The following EPS8 variants were observed in gnomAD, a reference collection of about 807,000 sequenced individuals.
EPS8 encodes the protein EGFR pathway substrate 8, signaling adaptor.
In EPS8, 42 loss-of-function variants were observed where a neutral mutation model predicts 103.8. The observed-to-expected ratio is 0.40, with a 90% CI of 0.32 to 0.52. The LOEUF (loss-of-function observed/expected upper bound fraction) is 0.52. Ranked by LOEUF, EPS8 falls within the 20% of genes least tolerant of loss-of-function variation. The pLI, the probability that EPS8 is intolerant of heterozygous loss-of-function variation, is 0.40. For synonymous variants in EPS8, 344 were observed against 344.6 expected (o/e 1.00, Z 0.02); for missense variants, 969 against 1,005.1 (o/e 0.96, Z 0.49).
intron 1 of EPS8, among the ~76,000 whole-genome samples, chr12:15,687,452 C>A (rs10846231): frequency 1.3e-5 from 2 of 151,954 alleles, no homozygotes; most frequent in African/African-American, 4.8e-5. Flanking sequence ...TAAGTCAACA[C>A]AATAAAATCA....
In EPS8 at chr12:15,778,339, G is replaced by A. The variant is rs1369063772; in HGVS notation, c.-22+10822C>T. Among the ~76,000 whole-genome samples, 2 of 152,082 alleles carry A rather than the reference G, an allele frequency of 1.3e-5. No homozygotes were observed. Among genetic ancestry groups the A allele is most frequent in the Non-Finnish European group, 2.9e-5 (2 of 68,010 alleles). On this transcript the variant is annotated intron_variant, in intron 1 of 20. Transcript: ENST00000281172. The surrounding 1 kb of genome is among the most constrained non-coding windows in gnomAD (Gnocchi z 4.5). The stretch of plus-strand genomic sequence containing the variant: ...CATGTGAATAATGCTACAAGTATTG[G>A]ACCAATGACCAGATTTTTATCACAG...
intron 10 of EPS8, among the ~76,000 whole-genome samples, chr12:15,659,568 A>G (rs1945568539): frequency 6.6e-6 from 1 of 152,198 alleles, no homozygotes; most frequent in Non-Finnish European, 1.5e-5. Context: ...AATAGTACTT[A>G]ATTTCAGAAT....
At chr12:15,661,603 C>A (rs1051041945) in intron 9 of EPS8, among the ~76,000 whole-genome samples, 9 of 152,100 alleles carry the variant, frequency 5.9e-5, no homozygotes, top group Non-Finnish European at 1.2e-4. Context: ...TTACGATTTA[C>A]AAATCTATCC....
chr12:15,713,390 T>C lies in EPS8; in HGVS notation c.-21-30418A>G, dbSNP rs551106681. ...ATAGCTTTACTTGCAATAAAGATAA[T>C]TCCCTGATGCTAAACCAAAGCCAGA... On this transcript the variant is annotated intron_variant, in intron 1 of 20. Transcript: ENST00000281172. The surrounding 1 kb of genome is among the most constrained non-coding windows in gnomAD (Gnocchi z 4.8). The C allele has an allele frequency of 2.2e-4, 33 of 152,330 alleles. No homozygotes were observed. Among genetic ancestry groups the C allele is most frequent in the African/African-American group, 7.2e-4 (30 of 41,580 alleles). 9.4% of individuals were successfully genotyped at this position (152,330 alleles called of 1,614,324 possible). A position where few individuals can be genotyped will look rare whatever the true frequency, so the allele number is the denominator to read the frequency against.
chr12:15,678,310 G>C (rs957162225), intron 3 of EPS8, among the ~76,000 whole-genome samples: 2 of 152,172 alleles, frequency 1.3e-5, no homozygotes, highest in Non-Finnish European at 2.9e-5. Flanking sequence ...GGTACTGTGT[G>C]TATGTCTTTG....
intron 1 of EPS8, among the ~76,000 whole-genome samples, chr12:15,774,497 T>C (rs1440096100): frequency 6.6e-6 from 1 of 151,344 alleles, no homozygotes; most frequent in Non-Finnish European, 1.5e-5. Flanking sequence ...CTCCCTGTTA[T>C]CCTGTATTCT....
chr12:15,663,951 A>AATAATAAT (rs67569507), intron 8 of EPS8, among the ~76,000 whole-genome samples: 8 of 39,664 alleles, frequency 2.0e-4, no homozygotes, highest in South Asian at 9.3e-4. Flanking sequence ...AAAAAATAAT[A>AATAATAAT]TATATATATA....
chr12:15,657,874 C>T (rs1945535265), intron 12 of EPS8: 1 of 508,952 alleles, frequency 2.0e-6, no homozygotes, highest in African/African-American at 2.0e-5. Flanking sequence ...CCAGTTTCCT[C>T]AACTATAAAA....
chr12:15,747,955 G>C lies in EPS8; in HGVS notation c.-22+41206C>G, dbSNP rs563782617. Among the ~76,000 whole-genome samples the C allele has an allele frequency of 4.8e-4, 73 of 151,532 alleles. 1 individual carries two copies. Among genetic ancestry groups the C allele is most frequent in the African/African-American group, 1.7e-3 (70 of 41,232 alleles). Reference sequence around the variant, plus strand: ...GAATCGCTTGAACCCGGGAGGCGGAGATTGCAGTGAGCCGAGATCACACCA... The same window carrying C: ...GAATCGCTTGAACCCGGGAGGCGGACATTGCAGTGAGCCGAGATCACACCA... On this transcript the variant is annotated intron_variant, in intron 1 of 20. Transcript: ENST00000281172. The surrounding 1 kb of genome is among the most constrained non-coding windows in gnomAD (Gnocchi z 4.4).
rs11056601 is a variant in EPS8, at chr12:15,721,643, C to T, written c.-21-38671G>A. Among the ~76,000 whole-genome samples, 163 of 152,240 alleles carry T rather than the reference C, an allele frequency of 1.1e-3. 2 individuals carry two copies. The East Asian group carries it at 0.03, about 28-fold the overall frequency. ...TTTATCCTCCATTTCTTGTGAAAGACAACAATCTTGTTTGCCTTTGTCTTG... is the reference window on the plus strand; with the variant it reads ...TTTATCCTCCATTTCTTGTGAAAGATAACAATCTTGTTTGCCTTTGTCTTG... On this transcript the variant is annotated intron_variant, in intron 1 of 20. Transcript: ENST00000281172. The surrounding 1 kb of genome is among the most constrained non-coding windows in gnomAD (Gnocchi z 4.4).
rs541421436 is a variant in EPS8, at chr12:15,760,363, T to C, written c.-22+28798A>G. On this transcript the variant is annotated intron_variant, in intron 1 of 20. Transcript: ENST00000281172. This position sits in a 1 kb window ranked among gnomAD's most constrained non-coding sequence, Gnocchi z 4.5. The stretch of plus-strand genomic sequence containing the variant: ...AGACCCAATGGCTTCACTGCTAAAT[T>C]CTACAAAACATTTAAAGAAGAATTA... 2.0e-5 allele frequency among the ~76,000 whole-genome samples: 3 copies of C among 152,052 alleles called. No individual in the cohort carries two copies. Among genetic ancestry groups the C allele is most frequent in the Admixed American group, 2.0e-4 (3 of 15,270 alleles).
Position 15,684,804 on chromosome 12 carries a change from C to T in EPS8, c.-21-1832G>A, listed in dbSNP as rs73315054. Among the ~76,000 whole-genome samples, 1 of 152,122 alleles carries T rather than the reference C, an allele frequency of 6.6e-6. No homozygotes were observed. The highest frequency in any genetic ancestry group is 1.5e-5 in the Non-Finnish European group (1 of 68,028). ...CTTTCCTATCCACTGCTTAAAAGCACATTTATAAATTAAGAAGCAAAGAAA... is the reference window on the plus strand; with the variant it reads ...CTTTCCTATCCACTGCTTAAAAGCATATTTATAAATTAAGAAGCAAAGAAA... On this transcript the variant is annotated intron_variant, in intron 1 of 20. Coordinates refer to ENST00000281172, the MANE Select transcript of EPS8 (RefSeq NM_004447.6). The surrounding 1 kb of genome is among the most constrained non-coding windows in gnomAD (Gnocchi z 4.9).
At chr12:15,754,580 A>G (rs896375383) in intron 1 of EPS8, among the ~76,000 whole-genome samples, 5 of 152,220 alleles carry the variant, frequency 3.3e-5, no homozygotes, top group Non-Finnish European at 7.3e-5. Context: ...CAACAGTCAT[A>G]TACGCCACCA....
At chr12:15,726,518 G>A (rs143261003) in intron 1 of EPS8, among the ~76,000 whole-genome samples, 1 of 152,328 alleles carries the variant, frequency 6.6e-6, no homozygotes, top group African/African-American at 2.4e-5. Context: ...ATGGTCAAGG[G>A]AGGGGGTCAG....
intron 1 of EPS8, 164 bp from the exon 2 acceptor site, chr12:15,683,136 T>C: frequency 2.3e-6 from 1 of 435,948 alleles, no homozygotes; most frequent in Non-Finnish European, 4.0e-6. Flanking sequence ...GAGGTATAGA[T>C]GAACATTTAA....
At chr12:15,689,500 T>C (rs537107064) in intron 1 of EPS8, among the ~76,000 whole-genome samples, 1 of 152,334 alleles carries the variant, frequency 6.6e-6, no homozygotes, top group African/African-American at 2.4e-5. Context: ...AAGTTTTGTT[T>C]TGTTTTTAAT....
rs1360709700 is a variant in EPS8 at position 15,748,545 on chromosome 12, C to T, written c.-22+40616G>A. The stretch of plus-strand genomic sequence containing the variant: ...TACCTACACCTTTTCTTAAAGATCT[C>T]CAGGGAGAGAAATTCCACAGCTCCC... On this transcript the variant is annotated intron_variant, in intron 1 of 20. Coordinates refer to ENST00000281172, the MANE Select transcript of EPS8 (RefSeq NM_004447.6). This position sits in a 1 kb window ranked among gnomAD's most constrained non-coding sequence, Gnocchi z 4.8. Among the ~76,000 whole-genome samples, 1 of 152,006 alleles carries T rather than the reference C, an allele frequency of 6.6e-6. No individual in the cohort carries two copies. Among genetic ancestry groups the T allele is most frequent in the South Asian group, 2.1e-4 (1 of 4,828 alleles).
rs1946251568 is a variant in EPS8 at position 15,696,953 on chromosome 12, G to C, written c.-21-13981C>G. On this transcript the variant is annotated intron_variant, in intron 1 of 20. Transcript: ENST00000281172. This position sits in a 1 kb window ranked among gnomAD's most constrained non-coding sequence, Gnocchi z 4.8. Reference sequence around the variant, plus strand: ...TCACATTATATAGATTTTTGTTTGGGAATTTCAGATAGATTTGTTTGGGTA... The same window carrying C: ...TCACATTATATAGATTTTTGTTTGGCAATTTCAGATAGATTTGTTTGGGTA... 6.6e-6 allele frequency among the ~76,000 whole-genome samples: 1 copy of C among 152,120 alleles called. No homozygotes were observed. Among genetic ancestry groups the C allele is most frequent in the African/African-American group, 2.4e-5 (1 of 41,418 alleles).
At chr12:15,723,895 G>A (rs1367499714) in intron 1 of EPS8, among the ~76,000 whole-genome samples, 3 of 152,062 alleles carry the variant, frequency 2.0e-5, no homozygotes, top group Non-Finnish European at 1.5e-5. Context: ...AATTTTTACT[G>A]TAAATACAGA....
Sources: gnomAD v4.1 joint callset for allele counts (sites outside exome capture counted in the v4.1 genomes callset) on GRCh38, gnomAD v4.1.1 for gene constraint, Gnocchi (gnomAD v3.1) non-coding constraint, MANE v1.5 for transcripts, NCBI Gene and HGNC (gene_info 2026-07-23, HGNC 2026-07-21) for gene names.